SGPP2: variants seen among roughly 807,000 people sequenced by gnomAD.
SGPP2 encodes sphingosine-1-phosphate phosphatase 2.
A neutral mutation model predicts 33.9 loss-of-function variants in SGPP2; 30 were observed. The ratio of observed to expected loss-of-function variants is 0.89; its 90% CI spans 0.66 to 1.20. The LOEUF is 1.20. Among genes scored for constraint, SGPP2 ranks in the 50% most tolerant of loss-of-function variants. The pLI is 0.00. For missense variants in SGPP2, 458 were observed against 532.1 expected (o/e 0.86, Z 1.37); for synonymous variants, 233 against 225.0 (o/e 1.04, Z -0.32).
At chr2:222,466,640 A>G (rs936175586) in intron 1 of SGPP2, among the ~76,000 whole-genome samples, 4 of 152,164 alleles carry the variant, frequency 2.6e-5, no homozygotes, top group Admixed American at 2.6e-4. Flanking sequence ...GGATTCTGAC[A>G]GTAGTGCAAA....
intron 4 of SGPP2, among the ~76,000 whole-genome samples, chr2:222,547,351 A>T (rs1266504080): frequency 6.6e-6 from 1 of 152,148 alleles, no homozygotes; most frequent in East Asian, 1.9e-4. Flanking sequence ...GTTTGATCTA[A>T]TGTCACAATC....
intron 2 of SGPP2, among the ~76,000 whole-genome samples, chr2:222,494,635 A>G (rs1417045388): frequency 6.6e-6 from 1 of 152,220 alleles, no homozygotes; most frequent in Non-Finnish European, 1.5e-5. Context: ...CAAGTGGTCC[A>G]CAGTCACATA....
intron 1 of SGPP2, among the ~76,000 whole-genome samples, chr2:222,449,392 T>C (rs1443087840): frequency 6.6e-6 from 1 of 151,948 alleles, no homozygotes; most frequent in Non-Finnish European, 1.5e-5. Flanking sequence ...AAAACAAAAA[T>C]GGTCAGGTTT....
At chr2:222,511,665 A>T (rs1242373791) in intron 2 of SGPP2, among the ~76,000 whole-genome samples, 1 of 152,180 alleles carries the variant, frequency 6.6e-6, no homozygotes, top group Middle Eastern at 3.2e-3. Context: ...AATTAAATGA[A>T]GAAATAGTTC....
chr2:222,433,358 A>G (rs1452840826), intron 1 of SGPP2, among the ~76,000 whole-genome samples: 1 of 151,418 alleles, frequency 6.6e-6, no homozygotes, highest in Non-Finnish European at 1.5e-5. Context: ...TCGCAGTGCA[A>G]CCAGAATGTG....
At chr2:222,466,716 A>G (rs913442752) in intron 1 of SGPP2, among the ~76,000 whole-genome samples, 2 of 152,158 alleles carry the variant, frequency 1.3e-5, no homozygotes, top group Admixed American at 1.3e-4. Context: ...GAAGTTAGGA[A>G]AGGCTTTCAA....
At position 222,478,601 on chromosome 2, in the gene SGPP2, T is replaced by A. The variant is rs369801224; in HGVS notation, c.378+3875T>A. On this transcript the variant is annotated intron_variant, in intron 2 of 4. Coordinates refer to ENST00000321276, the MANE Select transcript of SGPP2 (RefSeq NM_152386.4). ...ACATAAGGGACAGAGCTTGAAGTCT[T>A]GTAACTGAACATCTTATCTCGCCCA... 4.5e-4 allele frequency among the ~76,000 whole-genome samples: 69 copies of A among 152,328 alleles called. 1 individual carries two copies. Among genetic ancestry groups the A allele is most frequent in the African/African-American group, 1.6e-3 (67 of 41,582 alleles).
chr2:222,547,547 A>G (rs1487518566), intron 4 of SGPP2, among the ~76,000 whole-genome samples: 1 of 152,206 alleles, frequency 6.6e-6, no homozygotes, highest in African/African-American at 2.4e-5. Context: ...GTTTAGAAAT[A>G]TATGGTATAC....
chr2:222,440,958 A>G (rs1453434338), intron 1 of SGPP2, among the ~76,000 whole-genome samples: 1 of 152,244 alleles, frequency 6.6e-6, no homozygotes. Context: ...GCATGACTCT[A>G]GCTGGTATAG....
chr2:222,517,259 C>T (rs781141905), intron 2 of SGPP2, among the ~76,000 whole-genome samples: 1 of 152,226 alleles, frequency 6.6e-6, no homozygotes, highest in African/African-American at 2.4e-5. Flanking sequence ...TCTCACCCCC[C>T]TATCCTGTAC....
At chr2:222,478,255 A>C (rs1413996905) in intron 2 of SGPP2, among the ~76,000 whole-genome samples, 1 of 130,308 alleles carries the variant, frequency 7.7e-6, no homozygotes, top group Non-Finnish European at 1.6e-5. Flanking sequence ...ATCTTCGTGT[A>C]TGTGCATGCA....
At chr2:222,473,654 G>A (rs1697882614) in intron 1 of SGPP2, among the ~76,000 whole-genome samples, 1 of 152,216 alleles carries the variant, frequency 6.6e-6, no homozygotes, top group African/African-American at 2.4e-5. Context: ...GCCGGGCACG[G>A]TGGCTCACGC....
intron 1 of SGPP2, 66 bp from the exon 2 acceptor site, chr2:222,474,502 G>A (rs886459721): frequency 6.8e-7 from 1 of 1,470,466 alleles, no homozygotes; most frequent in Non-Finnish European, 9.4e-7. Context: ...GTGAGTTTTA[G>A]ACAGAGATGT....
intron 4 of SGPP2, among the ~76,000 whole-genome samples, chr2:222,528,794 T>G (rs1365673511): frequency 6.6e-6 from 1 of 152,190 alleles, no homozygotes; most frequent in Non-Finnish European, 1.5e-5. Flanking sequence ...TTTTTGTATT[T>G]TTATTAGAGA....
At chr2:222,513,023 G>A (rs1207445138) in intron 2 of SGPP2, among the ~76,000 whole-genome samples, 1 of 152,220 alleles carries the variant, frequency 6.6e-6, no homozygotes, top group African/African-American at 2.4e-5. Flanking sequence ...TATGGTAAGA[G>A]TATGTTTAGT....
intron 2 of SGPP2, among the ~76,000 whole-genome samples, chr2:222,503,234 A>C (rs976638053): frequency 6.6e-5 from 10 of 152,250 alleles, no homozygotes; most frequent in African/African-American, 2.4e-4. Flanking sequence ...GTTGTTGCTA[A>C]GGACGAGGGA....
intron 2 of SGPP2, among the ~76,000 whole-genome samples, chr2:222,490,855 T>C (rs560159926): frequency 6.6e-6 from 1 of 152,338 alleles, no homozygotes; most frequent in East Asian, 1.9e-4. Flanking sequence ...TGTATTCTTA[T>C]AGATTCATCA....
At position 222,558,934 on chromosome 2, in the gene SGPP2, A is replaced by G. The variant is rs76841138; in HGVS notation, c.*36A>G. 25,572 of 1,579,794 alleles carry G rather than the reference A, an allele frequency of 0.016. 414 individuals carry two copies. Among genetic ancestry groups the G allele is most frequent in the African/African-American group, 0.071 (5,216 of 73,970 alleles). ...GTTGGAAACTAGCCCACTGGACATG[A>G]AAGCCAAGACATAGGAAAGTTATTG... On this transcript the variant is annotated 3_prime_UTR_variant, in exon 5 of 5. Transcript: ENST00000321276.
intron 4 of SGPP2, among the ~76,000 whole-genome samples, chr2:222,525,312 C>A (rs960565092): frequency 6.6e-6 from 1 of 152,126 alleles, no homozygotes; most frequent in Non-Finnish European, 1.5e-5. Flanking sequence ...ATATTCACAT[C>A]AGTTTACTGA....
Sources: allele counts gnomAD v4.1 joint callset (sites outside exome capture counted in the v4.1 genomes callset), GRCh38; gene constraint gnomAD v4.1.1; transcripts MANE v1.5; gene names NCBI Gene and HGNC (gene_info 2026-07-23, HGNC 2026-07-21).